The following TENM1 variants were observed in gnomAD, a reference collection of about 807,000 sequenced individuals.
TENM1 encodes teneurin-1.
Under a neutral mutation model 174.8 loss-of-function variants are expected in TENM1, and 35 were observed. That is an observed-to-expected ratio of 0.20 (90% confidence interval 0.15 to 0.27). TENM1 has a LOEUF of 0.27. Ranked by LOEUF, TENM1 falls within the 10% of genes least tolerant of loss-of-function variation. The pLI is 1.00. For synonymous variants in TENM1, 781 were observed against 798.7 expected, an observed-to-expected ratio of 0.98 and a Z score of 0.37; for missense variants, 1,633 against 2,130.1, an observed-to-expected ratio of 0.77 and a Z score of 4.59.
chrX:124,545,439 C>G (rs1164314814), intron 15 of TENM1, among the ~76,000 whole-genome samples: 2 of 112,131 alleles, frequency 1.8e-5, no homozygotes, highest in Non-Finnish European at 3.8e-5. Context: ...TCTCTTAGGT[C>G]TTGACTTTCT....
intron 3 of TENM1, among the ~76,000 whole-genome samples, chrX:124,740,196 G>T (rs2053767723): frequency 9.0e-6 from 1 of 111,615 alleles, no homozygotes; most frequent in South Asian, 3.8e-4. Flanking sequence ...TCAATTTGAG[G>T]TCTTGTGCTC....
At chrX:124,934,959 A>G (rs2058224036) in intron 1 of TENM1, among the ~76,000 whole-genome samples, 1 of 110,592 alleles carries the variant, frequency 9.0e-6, no homozygotes, top group Non-Finnish European at 1.9e-5. Flanking sequence ...AATTAAGTGG[A>G]AAATAATAAC....
At chrX:124,471,121 AAATATATAATATATAGT>A (rs1226355007) in intron 22 of TENM1, among the ~76,000 whole-genome samples, 38 of 86,153 alleles carry the variant, frequency 4.4e-4, no homozygotes, top group African/African-American at 1.6e-3. Context: ...ACATAGAGAG[AAATATATAATATATAGT>A]AATATATAAT....
chrX:124,865,313 G>A (rs2056982064), intron 3 of TENM1, among the ~76,000 whole-genome samples: 1 of 111,935 alleles, frequency 8.9e-6, no homozygotes, highest in African/African-American at 3.2e-5. Context: ...AACTTTTTAA[G>A]ACATAGTAAG....
chrX:124,389,021 C>T (rs371564340), intron 28 of TENM1, among the ~76,000 whole-genome samples: 1 of 112,303 alleles, frequency 8.9e-6, no homozygotes, highest in East Asian at 2.8e-4. Flanking sequence ...ATATAATTAA[C>T]TCAGAGAAGT....
At chrX:124,538,416 A>G (rs906922872) in intron 15 of TENM1, among the ~76,000 whole-genome samples, 5 of 111,650 alleles carry the variant, frequency 4.5e-5, no homozygotes. Flanking sequence ...TTCTTTTTCC[A>G]AACGTGAGCA....
chrX:125,011,201 T>G, the TENM1 span, among the ~76,000 whole-genome samples: 2 of 111,862 alleles, frequency 1.8e-5, no homozygotes, highest in African/African-American at 6.5e-5. Flanking sequence ...ATTTAAGAGT[T>G]AAATGTAAAA....
chrX:124,651,896 T>C lies in TENM1; in HGVS notation c.1579+18A>G, dbSNP rs770069725. 87 of 1,201,721 alleles carry C rather than the reference T, an allele frequency of 7.2e-5. No homozygotes were observed. The highest frequency in any genetic ancestry group is 9.8e-5 in the Non-Finnish European group (87 of 891,265). ...AGGGTTGAACTGTCAATTCAACATA[T>C]TAGGCAAAGCAGCTTACCAATTGCT... On this transcript the variant is annotated intron_variant, in intron 8 of 31. Coordinates refer to ENST00000422452, the Ensembl canonical transcript of TENM1.
intron 1 of TENM1, among the ~76,000 whole-genome samples, chrX:124,925,267 A>T (rs774823910): frequency 9.0e-6 from 1 of 110,769 alleles, no homozygotes; most frequent in East Asian, 2.9e-4. Flanking sequence ...TATTCACTTC[A>T]ATATTATGAC....
chrX:124,432,297 A>T lies in TENM1; in HGVS notation c.4105-9659T>A, dbSNP rs376114974. ...CAGACAATATCAGGGTCAAAACAAA[A>T]TGTTAAATTTGTGGTTCCTAAAATT... On this transcript the variant is annotated intron_variant, in intron 23 of 31. Coordinates refer to ENST00000422452, the Ensembl canonical transcript of TENM1. Among the ~76,000 whole-genome samples the T allele has an allele frequency of 1.7e-4, 19 of 112,190 alleles. No homozygotes were observed. The East Asian group carries it at 2.0e-3, about 12-fold the overall frequency.
intron 1 of TENM1, among the ~76,000 whole-genome samples, chrX:124,899,444 T>C (rs1036625382): frequency 1.8e-5 from 2 of 111,355 alleles, no homozygotes; most frequent in East Asian, 2.8e-4. Context: ...CTTCCTGCCT[T>C]GGCCTTTCAA....
intron 28 of TENM1, among the ~76,000 whole-genome samples, chrX:124,387,904 G>T (rs891545823): frequency 8.9e-6 from 1 of 112,149 alleles, no homozygotes; most frequent in Non-Finnish European, 1.9e-5. Flanking sequence ...CAAAAGGAAG[G>T]AGACTTGGAA....
intron 12 of TENM1, among the ~76,000 whole-genome samples, chrX:124,564,198 T>C (rs1162233481): frequency 8.9e-6 from 1 of 111,806 alleles, no homozygotes; most frequent in Non-Finnish European, 1.9e-5. Flanking sequence ...AGTACAGGAA[T>C]GTAATTACTT....
At chrX:125,141,603 G>A in the TENM1 span, among the ~76,000 whole-genome samples, 1 of 111,477 alleles carries the variant, frequency 9.0e-6, no homozygotes, top group South Asian at 3.8e-4. Context: ...GAAGGTGGAA[G>A]TAGAGAGAGA....
chrX:125,050,775 C>T, the TENM1 span, among the ~76,000 whole-genome samples: 3 of 111,710 alleles, frequency 2.7e-5, no homozygotes, highest in African/African-American at 9.8e-5. Flanking sequence ...TACAGTCCCA[C>T]CAACAGTGTA....
the TENM1 span, among the ~76,000 whole-genome samples, chrX:125,125,680 A>C: frequency 8.9e-6 from 1 of 111,792 alleles, no homozygotes; most frequent in East Asian, 2.8e-4. Flanking sequence ...AGTTATTTCC[A>C]TGTCTTAAAT....
At chrX:125,109,414 C>T in the TENM1 span, among the ~76,000 whole-genome samples, 1 of 110,085 alleles carries the variant, frequency 9.1e-6, no homozygotes, top group Admixed American at 9.7e-5. Flanking sequence ...GCAGGATGTG[C>T]AGGTTTGTTA....
chrX:124,901,878 T>C (rs752510225), intron 1 of TENM1, among the ~76,000 whole-genome samples: 1 of 112,068 alleles, frequency 8.9e-6, no homozygotes, highest in Non-Finnish European at 1.9e-5. Context: ...TGATTAATTT[T>C]AACCATGACC....
chrX:124,825,496 A>G (rs923971868), intron 3 of TENM1, among the ~76,000 whole-genome samples: 26 of 110,702 alleles, frequency 2.3e-4, no homozygotes, highest in African/African-American at 8.5e-4. Context: ...AAAACTGGAT[A>G]GGACATATCA....
Sources: allele counts gnomAD v4.1 joint callset (sites outside exome capture counted in the v4.1 genomes callset), GRCh38; gene constraint gnomAD v4.1.1; transcripts MANE v1.5; gene names NCBI Gene and HGNC (gene_info 2026-07-23, HGNC 2026-07-21).